Variants in CCL7 observed in about 807,000 individuals in gnomAD.
CCL7 encodes C-C motif chemokine ligand 7.
In CCL7, 8 loss-of-function variants were observed where a neutral mutation model predicts 7.1. The ratio of observed to expected loss-of-function variants is 1.13; its 90% CI spans 0.66 to 2.04. The LOEUF (loss-of-function observed/expected upper bound fraction) is 2.04, where lower values mean the gene tolerates loss of function less well. Among genes scored for constraint, CCL7 ranks in the 30% most tolerant of loss-of-function variants. The probability of loss-of-function intolerance (pLI) is 0.00; values close to 1 mark genes in which losing one functional copy is unlikely to be tolerated. For synonymous variants in CCL7, 46 were observed against 41.2 expected (o/e 1.12, Z -0.45); for missense variants, 134 against 113.6 (o/e 1.18, Z -0.82).
rs746447937 is a variant in CCL7 at position 34,271,762 on chromosome 17, T to G, written c.260T>G (p.Met87Arg). The part of the protein sequence containing the change: ...DPTQKWVQDF[M>R]KHLDKKTQTP... ...ACACAGAAGTGGGTCCAGGACTTTA[T>G]GAAGCACCTGGACAAGAAAACCCAA... Residue 87 changes from methionine (M) to arginine (R), a missense_variant, in exon 3 of 3, where the codon ATG becomes AGG. Met to Arg is a moderately conservative substitution (Grantham distance 91, BLOSUM62 -1). Transcript: ENST00000378569. 2 of 1,613,238 alleles carry G rather than the reference T, an allele frequency of 1.2e-6. No individual in the cohort carries two copies. Among genetic ancestry groups the G allele is most frequent in the South Asian group, 1.1e-5 (1 of 90,950 alleles).
At chr17:34,271,115 A>C in intron 1 of CCL7, 31 bp from the exon 2 acceptor site, 1 of 1,614,070 alleles carries the variant, frequency 6.2e-7, no homozygotes, top group Non-Finnish European at 8.5e-7. Flanking sequence ...CACACCCTCA[A>C]TGGACTTTTC....
At position 34,271,887 on chromosome 17, in the gene CCL7, ATTATTTT is replaced by A; in HGVS notation, c.*86_*92del. ...TGTCCTTTCTCAGAGTGGTTCTGAG[ATTATTTT>A]AATCTAATTCTAAGGAATATGAGCT... On this transcript the variant is annotated 3_prime_UTR_variant, in exon 3 of 3. Coordinates refer to ENST00000378569, the MANE Select transcript of CCL7 (RefSeq NM_006273.4). 5.2e-6 allele frequency: 4 copies of A among 769,212 alleles called. No individual in the cohort carries two copies. The highest frequency in any genetic ancestry group is 8.7e-6 in the Non-Finnish European group (4 of 460,472). The allele number at this position is 769,212 out of a possible 1,614,324, so 47.6% of individuals were successfully genotyped here.
chr17:34,271,418 A>G (rs1433628090), intron 2 of CCL7, among the ~76,000 whole-genome samples, 155 bp downstream of exon 2: 1 of 152,186 alleles, frequency 6.6e-6, no homozygotes, highest in Non-Finnish European at 1.5e-5. Context: ...GAGAAACAAT[A>G]CAAGTAAAGA....
intron 1 of CCL7, 38 bp from the exon 2 acceptor site, chr17:34,271,107 CA>C: frequency 6.2e-7 from 1 of 1,613,866 alleles, no homozygotes; most frequent in South Asian, 1.1e-5. Flanking sequence ...ACCCAGGACA[CA>C]CCCTCAATGG....
At chr17:34,270,955 ACAG>A in intron 1 of CCL7, 188 bp from the exon 2 acceptor site, 1 of 1,237,130 alleles carries the variant, frequency 8.1e-7, no homozygotes, top group Non-Finnish European at 1.1e-6. Context: ...TCCCTATTTC[ACAG>A]TCCATAAAAG....
intron 2 of CCL7, 57 bp from the exon 3 acceptor site, chr17:34,271,640 A>G (rs1223839489): frequency 8.9e-7 from 1 of 1,129,646 alleles, no homozygotes; most frequent in Non-Finnish European, 1.3e-6. Context: ...ACTTGGTCAC[A>G]CTCCCAGGCT....
rs1439804640 is a variant in CCL7 at position 34,270,294 on chromosome 17, A to G, written c.4A>G (p.Lys2Glu). ...GCCCATGCCCTCACCCTCCAACATGAAAGCCTCTGCAGCACTTCTGTGTCT... is the reference window on the plus strand; with the variant it reads ...GCCCATGCCCTCACCCTCCAACATGGAAGCCTCTGCAGCACTTCTGTGTCT... MKASAALLCLLL... is the reference protein window; with the variant it reads MEASAALLCLLL... The change falls in exon 1 of 3, where the codon AAA becomes GAA. Residue 2 changes from lysine to glutamate, a missense_variant. By Grantham distance (56) the Lys-to-Glu change is moderately conservative. Coordinates refer to ENST00000378569, the MANE Select transcript of CCL7 (RefSeq NM_006273.4). The G allele has an allele frequency of 1.2e-6, 2 of 1,614,056 alleles. No homozygotes were observed. Among genetic ancestry groups the G allele is most frequent in the African/African-American group, 2.7e-5 (2 of 74,932 alleles).
chr17:34,271,373 C>CTGAT (rs1240409477), intron 2 of CCL7, 110 bp downstream of exon 2: 1 of 846,166 alleles, frequency 1.2e-6, no homozygotes, highest in Non-Finnish European at 1.9e-6. Flanking sequence ...GTGATGCATA[C>CTGAT]AGCATCTCTA....
rs983908914 is a variant in CCL7, at chr17:34,272,139, G to A, written c.*337G>A. 1 of 191,566 alleles carries A rather than the reference G, an allele frequency of 5.2e-6. No homozygotes were observed. The highest frequency in any genetic ancestry group is 2.4e-5 in the African/African-American group (1 of 42,040). 11.9% of individuals were successfully genotyped at this position (191,566 alleles called of 1,614,324 possible). A position where few individuals can be genotyped will look rare whatever the true frequency, so the allele number is the denominator to read the frequency against. On this transcript the variant is annotated 3_prime_UTR_variant, in exon 3 of 3. Transcript: ENST00000378569. ...ATCAGTGCAAAGATTTGCTTTAATT[G>A]TTAAGATATGATGTCCCTATGGAAG...
At chr17:34,271,008 T>C in intron 1 of CCL7, 138 bp from the exon 2 acceptor site, 3 of 1,522,846 alleles carry the variant, frequency 2.0e-6, no homozygotes, top group Non-Finnish European at 2.6e-6. Context: ...GGCAGAGACA[T>C]TGGGTTTGGG....
rs956638252 is a variant in CCL7, at chr17:34,272,198, T to A, written c.*396T>A. On this transcript the variant is annotated 3_prime_UTR_variant, in exon 3 of 3. Transcript: ENST00000378569. ...TATTATATAATTACATATTTGCATA[T>A]GTATGACTCCCAAATTTTCACATAA... The A allele has an allele frequency of 1.3e-5, 2 of 156,272 alleles. No individual in the cohort carries two copies. Among genetic ancestry groups the A allele is most frequent in the Non-Finnish European group, 2.8e-5 (2 of 70,814 alleles). The allele number at this position is 156,272 out of a possible 1,614,324, so 9.7% of individuals were successfully genotyped here.
intron 1 of CCL7, 115 bp downstream of exon 1, chr17:34,270,481 T>G: frequency 2.5e-6 from 2 of 808,864 alleles, no homozygotes; most frequent in Non-Finnish European, 3.9e-6. Context: ...TTTTCCAAGA[T>G]AAGGTAACTT....
At position 34,271,307 on chromosome 17, in the gene CCL7, G is replaced by A. The variant is rs774426086; in HGVS notation, c.194+44G>A. 14 of 1,518,302 alleles carry A rather than the reference G, an allele frequency of 9.2e-6. No individual in the cohort carries two copies. In the East Asian group the frequency reaches 3.2e-4, roughly 34 times the overall value. 94.1% of individuals were successfully genotyped at this position (1,518,302 alleles called of 1,614,324 possible). On this transcript the variant is annotated intron_variant, in intron 2 of 2. Coordinates refer to ENST00000378569, the MANE Select transcript of CCL7 (RefSeq NM_006273.4). ...CCCACCCCTCACACCTCAGTCCTAGGTTCTTCCCTGGGCAGGGAATAGGAC... is the reference window on the plus strand; with the variant it reads ...CCCACCCCTCACACCTCAGTCCTAGATTCTTCCCTGGGCAGGGAATAGGAC...
chr17:34,271,779 A>G lies in CCL7; in HGVS notation c.277A>G (p.Lys93Glu). 1 of 1,612,348 alleles carries G rather than the reference A, an allele frequency of 6.2e-7. No homozygotes were observed. The highest frequency in any genetic ancestry group is 1.1e-5 in the South Asian group (1 of 90,888). ...VQDFMKHLDK[K>E]TQTPKL is the part of the protein sequence containing the mutation. Reference sequence around the variant, plus strand: ...GGACTTTATGAAGCACCTGGACAAGAAAACCCAAACTCCAAAGCTTTGAAC... The same window carrying G: ...GGACTTTATGAAGCACCTGGACAAGGAAACCCAAACTCCAAAGCTTTGAAC... Residue 93 changes from lysine (K) to glutamate (E), a missense_variant, in exon 3 of 3, where the codon AAA (lysine) becomes GAA (glutamate). By Grantham distance (56) the Lys-to-Glu change is moderately conservative. Transcript: ENST00000378569.
chr17:34,271,098 C>A (rs759357997), intron 1 of CCL7, 48 bp from the exon 2 acceptor site: 1 of 1,613,450 alleles, frequency 6.2e-7, no homozygotes, highest in Non-Finnish European at 8.5e-7. Context: ...AACAGAAAGA[C>A]CCAGGACACA....
At position 34,271,936 on chromosome 17, in the gene CCL7, A is replaced by C. The variant is rs202069087; in HGVS notation, c.*134A>C. ...ATATGAGCTTTATGTAATAATGTGAATCATGGTTTTTCTTAGTAGATTTTA... is the reference window on the plus strand; with the variant it reads ...ATATGAGCTTTATGTAATAATGTGACTCATGGTTTTTCTTAGTAGATTTTA... On this transcript the variant is annotated 3_prime_UTR_variant, in exon 3 of 3. Coordinates refer to ENST00000378569, the MANE Select transcript of CCL7 (RefSeq NM_006273.4). 4.8e-5 allele frequency: 29 copies of C among 607,682 alleles called. No individual in the cohort carries two copies. Among genetic ancestry groups the C allele is most frequent in the Non-Finnish European group, 8.1e-5 (28 of 344,840 alleles). The allele number at this position is 607,682 out of a possible 1,614,324, so 37.6% of individuals were successfully genotyped here.
rs751525469 is a variant in CCL7, at chr17:34,271,713, G to A, written c.211G>A (p.Asp71Asn). The change falls in exon 3 of 3, where the codon GAC becomes AAC. Residue 71 changes from aspartate to asparagine, a missense_variant. By Grantham distance (23) the Asp-to-Asn change is conservative. Coordinates refer to ENST00000378569, the MANE Select transcript of CCL7 (RefSeq NM_006273.4). ...GCTCCACAGCTTCAAGACCAAACTGGACAAGGAGATCTGTGCTGACCCCAC... is the reference window on the plus strand; with the variant it reads ...GCTCCACAGCTTCAAGACCAAACTGAACAAGGAGATCTGTGCTGACCCCAC... ...REAVIFKTKL[D>N]KEICADPTQK... 25 of 1,610,458 alleles carry A rather than the reference G, an allele frequency of 1.6e-5. No homozygotes were observed. Among genetic ancestry groups the A allele is most frequent in the Non-Finnish European group, 1.4e-5 (17 of 1,179,034 alleles).
chr17:34,271,870 C>T lies in CCL7; in HGVS notation c.*68C>T, dbSNP rs1908185558. On this transcript the variant is annotated 3_prime_UTR_variant, in exon 3 of 3. Coordinates refer to ENST00000378569, the MANE Select transcript of CCL7 (RefSeq NM_006273.4). ...AAATAATTTGTATACCCTGTCCTTTCTCAGAGTGGTTCTGAGATTATTTTA... is the reference window on the plus strand; with the variant it reads ...AAATAATTTGTATACCCTGTCCTTTTTCAGAGTGGTTCTGAGATTATTTTA... 3.3e-6 allele frequency: 3 copies of T among 906,380 alleles called. No individual in the cohort carries two copies. In the South Asian group the frequency reaches 4.4e-5, roughly 13 times the overall value. The allele number at this position is 906,380 out of a possible 1,614,324, so 56.1% of individuals were successfully genotyped here.
intron 1 of CCL7, 109 bp downstream of exon 1, chr17:34,270,475 C>A (rs2142202838): frequency 2.3e-6 from 2 of 859,388 alleles, no homozygotes; most frequent in East Asian, 2.6e-5. Context: ...AGCTACTTTT[C>A]CAAGATAAGG....
Sources: allele counts gnomAD v4.1 joint callset (sites outside exome capture counted in the v4.1 genomes callset), GRCh38; gene constraint gnomAD v4.1.1; transcripts MANE v1.5; gene names NCBI Gene and HGNC (gene_info 2026-07-23, HGNC 2026-07-21).